AGBL2: variants seen among roughly 807,000 people sequenced by gnomAD.
AGBL2 encodes the protein AGBL carboxypeptidase 2.
AGBL2 carries 87 observed loss-of-function variants against 103.0 expected under a neutral mutation model. The observed-to-expected ratio is 0.84, with a 90% CI of 0.71 to 1.01. AGBL2 has a LOEUF of 1.01. Ranked by LOEUF, AGBL2 falls within the 50% of genes least tolerant of loss-of-function variation. AGBL2 has a pLI of 0.00. For missense variants in AGBL2, 904 were observed against 1,023.5 expected (o/e 0.88, Z 1.59); for synonymous variants, 335 against 356.7 (o/e 0.94, Z 0.69).
chr11:47,704,183 A>G (rs902782280), intron 7 of AGBL2, among the ~76,000 whole-genome samples: 2 of 152,002 alleles, frequency 1.3e-5, no homozygotes, highest in Non-Finnish European at 2.9e-5. Context: ...CAGATCTTGT[A>G]ATAAAGTCAG....
Position 47,705,552 on chromosome 11 carries a change from A to G in AGBL2, c.369T>C (p.Pro123=). ...TCCCAGCTACTCGGAAAGCTGAGGC[A>G]GGAGAATCCTTGAATCTGGGAGGTG... is the stretch of plus-strand genomic sequence containing the variant. ...QPPPPRFKDS[P]ASAFRVAGIT... The change falls in exon 6 of 19, where the codon CCT becomes CCC. Residue 123 remains proline, a synonymous_variant. Coordinates refer to ENST00000525123, the MANE Select transcript of AGBL2 (RefSeq NM_024783.4). The G allele has an allele frequency of 2.3e-6, 1 of 429,716 alleles. No homozygotes were observed. Among genetic ancestry groups the G allele is most frequent in the Non-Finnish European group, 4.4e-6 (1 of 228,644 alleles). The allele number at this position is 429,716 out of a possible 1,614,324, so 26.6% of individuals were successfully genotyped here.
intron 14 of AGBL2, among the ~76,000 whole-genome samples, chr11:47,675,663 A>C (rs1354047504): frequency 2.6e-5 from 4 of 152,084 alleles, no homozygotes; most frequent in African/African-American, 9.7e-5. Context: ...AGTGGGAATT[A>C]CAGGTGTGAG....
chr11:47,704,503 C>G, intron 7 of AGBL2, 40 bp downstream of exon 7: 1 of 1,309,904 alleles, frequency 7.6e-7, no homozygotes, highest in Non-Finnish European at 1.0e-6. Flanking sequence ...AAAAAAAAGT[C>G]AGGCAGAATA....
chr11:47,691,270 A>C (rs2097444302), intron 9 of AGBL2, among the ~76,000 whole-genome samples: 1 of 151,884 alleles, frequency 6.6e-6, no homozygotes, highest in Non-Finnish European at 1.5e-5. Flanking sequence ...TCTTGAGGAA[A>C]AAACAAACAA....
chr11:47,673,955 G>C (rs2097365784), intron 14 of AGBL2, among the ~76,000 whole-genome samples: 1 of 151,210 alleles, frequency 6.6e-6, no homozygotes, highest in South Asian at 2.1e-4. Flanking sequence ...AGCCAGCCGT[G>C]GTGGTGGGCA....
intron 4 of AGBL2, among the ~76,000 whole-genome samples, chr11:47,710,049 C>T (rs1014566396): frequency 9.2e-5 from 14 of 151,732 alleles, no homozygotes; most frequent in African/African-American, 2.9e-4. Context: ...TCACCACACC[C>T]GGCTAATTTT....
At chr11:47,676,149 A>T (rs1442371878) in intron 14 of AGBL2, among the ~76,000 whole-genome samples, 2 of 151,944 alleles carry the variant, frequency 1.3e-5, no homozygotes, top group African/African-American at 4.8e-5. Flanking sequence ...CAAGCCTAAC[A>T]CTAGACTCCT....
chr11:47,673,927 G>A (rs929675557), intron 14 of AGBL2, among the ~76,000 whole-genome samples: 10 of 148,594 alleles, frequency 6.7e-5, no homozygotes, highest in Non-Finnish European at 1.3e-4. Context: ...TGGTGAAACC[G>A]CATCTCTACT....
chr11:47,676,171 C>G (rs1790272223), intron 14 of AGBL2, among the ~76,000 whole-genome samples: 1 of 152,170 alleles, frequency 6.6e-6, no homozygotes, highest in South Asian at 2.1e-4. Flanking sequence ...ATCTTCACTA[C>G]CTCTCTAATT....
intron 4 of AGBL2, among the ~76,000 whole-genome samples, chr11:47,708,414 G>A (rs1189199880): frequency 1.3e-5 from 2 of 151,244 alleles, no homozygotes; most frequent in African/African-American, 2.4e-5. Context: ...GCTGTTATAT[G>A]TAAAGGAAAT....
chr11:47,697,104 T>A (rs1271538350), intron 8 of AGBL2, among the ~76,000 whole-genome samples: 1 of 151,912 alleles, frequency 6.6e-6, no homozygotes, highest in Non-Finnish European at 1.5e-5. Flanking sequence ...AATTTTTGTA[T>A]TTTTAGTAGA....
In AGBL2 at chr11:47,660,226, C is replaced by T; in HGVS notation, c.2656G>A (p.Gly886Ser). The change falls in exon 19 of 19, where the codon GGC becomes AGC. Residue 886 changes from glycine (G) to serine (S), a missense_variant. By Grantham distance (56) the Gly-to-Ser change is moderately conservative. Transcript: ENST00000525123. ...PRSRYPATKR[G>S]CAAMAAYPSL... The stretch of plus-strand genomic sequence containing the variant: ...GGGTATGCCGCCATGGCAGCACAGC[C>T]TCTCTTTGTGGCAGGATATCTGCTC... The T allele has an allele frequency of 1.2e-6, 2 of 1,614,214 alleles. No homozygotes were observed. The highest frequency in any genetic ancestry group is 1.7e-6 in the Non-Finnish European group (2 of 1,180,044).
chr11:47,663,814 C>T (rs997988598), intron 17 of AGBL2, among the ~76,000 whole-genome samples: 15 of 151,666 alleles, frequency 9.9e-5, no homozygotes, highest in Admixed American at 7.9e-4. Flanking sequence ...CCTCGGCCTC[C>T]CAAAGTGCTG....
chr11:47,704,499 A>G (rs1470824221), intron 7 of AGBL2, 44 bp downstream of exon 7: 1 of 1,479,690 alleles, frequency 6.8e-7, no homozygotes, highest in South Asian at 1.3e-5. Flanking sequence ...AAAAAAAAAA[A>G]AGTCAGGCAG....
chr11:47,684,019 A>C (rs923079570), intron 11 of AGBL2, among the ~76,000 whole-genome samples: 2 of 151,878 alleles, frequency 1.3e-5, no homozygotes, highest in Non-Finnish European at 2.9e-5. Context: ...TTGGGAGACC[A>C]AGGCGGGCAG....
At chr11:47,683,647 C>T (rs1428504622) in intron 11 of AGBL2, among the ~76,000 whole-genome samples, 1 of 151,294 alleles carries the variant, frequency 6.6e-6, no homozygotes, top group Non-Finnish European at 1.5e-5. Context: ...TAGCTTGTGC[C>T]TGTAATCCCA....
intron 8 of AGBL2, among the ~76,000 whole-genome samples, chr11:47,696,010 C>CAAAAAAAAAAAAAAAAAAAAAA (rs1171058500): frequency 5.8e-5 from 1 of 17,200 alleles, no homozygotes; most frequent in Non-Finnish European, 9.3e-5. Context: ...ACTAAAAATA[C>CAAAAAAAAAAAAAAAAAAAAAA]AAAAAAAAAA....
chr11:47,684,653 G>A (rs2097417031), intron 11 of AGBL2, among the ~76,000 whole-genome samples: 1 of 152,002 alleles, frequency 6.6e-6, no homozygotes, highest in South Asian at 2.1e-4. Flanking sequence ...GCTACATTTT[G>A]TGGATCTATT....
chr11:47,701,864 C>T (rs1428459371), intron 7 of AGBL2, among the ~76,000 whole-genome samples: 1 of 150,972 alleles, frequency 6.6e-6, no homozygotes, highest in Non-Finnish European at 1.5e-5. Flanking sequence ...ATCCCAGCTA[C>T]TTGGGAGGCT....
Sources: allele counts gnomAD v4.1 joint callset (sites outside exome capture counted in the v4.1 genomes callset), GRCh38; gene constraint gnomAD v4.1.1; transcripts MANE v1.5; gene names NCBI Gene and HGNC (gene_info 2026-07-23, HGNC 2026-07-21).